Variants in STK32B observed in about 807,000 individuals in gnomAD.
STK32B encodes serine/threonine-protein kinase 32B.
In STK32B, 43 loss-of-function variants were observed where a neutral mutation model predicts 52.6. The ratio of observed to expected loss-of-function variants is 0.82; its 90% CI spans 0.64 to 1.05. STK32B has a LOEUF of 1.05. Ranked by LOEUF, STK32B falls within the 50% of genes least tolerant of loss-of-function variation. The pLI is 0.00. For synonymous variants in STK32B, 238 were observed against 204.3 expected (o/e 1.17, Z -1.41); for missense variants, 621 against 534.6 (o/e 1.16, Z -1.59).
rs557560256 is a variant in STK32B at position 5,464,886 on chromosome 4, G to A, written c.910-1817G>A. ...TGAACGAATGAATGAATGAATGAGT[G>A]GCAGGTAAAACAGGTCTGGAGAGAC... On this transcript the variant is annotated intron_variant, in intron 9 of 11. Coordinates refer to ENST00000282908, the MANE Select transcript of STK32B (RefSeq NM_018401.3). Among the ~76,000 whole-genome samples the A allele has an allele frequency of 3.7e-4, 57 of 152,316 alleles. 1 individual carries two copies. In the South Asian group the frequency reaches 0.011, roughly 31 times the overall value.
chr4:5,145,374 A>G (rs992097216), intron 2 of STK32B, among the ~76,000 whole-genome samples: 2 of 152,218 alleles, frequency 1.3e-5, no homozygotes, highest in African/African-American at 4.8e-5. Flanking sequence ...TAAAATGTAC[A>G]TACAACAGAA....
chr4:5,204,551 T>C (rs546688826), intron 3 of STK32B, among the ~76,000 whole-genome samples: 3 of 151,932 alleles, frequency 2.0e-5, no homozygotes, highest in East Asian at 1.9e-4. Flanking sequence ...CTCACTGCAA[T>C]CTCCGCCTCC....
chr4:5,412,824 C>T (rs1336609515), intron 5 of STK32B, among the ~76,000 whole-genome samples: 1 of 152,134 alleles, frequency 6.6e-6, no homozygotes, highest in African/African-American at 2.4e-5. Flanking sequence ...TTGGTCCTTG[C>T]CCCTGTAATC....
At chr4:5,309,587 C>T (rs1730156384) in intron 3 of STK32B, among the ~76,000 whole-genome samples, 1 of 152,112 alleles carries the variant, frequency 6.6e-6, no homozygotes, top group Non-Finnish European at 1.5e-5. Flanking sequence ...CACATATTTA[C>T]AACCAATGGA....
Position 5,230,178 on chromosome 4 carries a change from C to CTTTTTTTTTTTTTT in STK32B, c.260+61746_260+61759dup, listed in dbSNP as rs752036100. Among the ~76,000 whole-genome samples the CTTTTTTTTTTTTTT allele has an allele frequency of 6.9e-4, 49 of 71,116 alleles. 3 individuals are homozygous for CTTTTTTTTTTTTTT. Among genetic ancestry groups the CTTTTTTTTTTTTTT allele is most frequent in the East Asian group, 1.1e-3 (3 of 2,738 alleles). 46.7% of individuals were successfully genotyped at this position (71,116 alleles called of 152,430 possible). On this transcript the variant is annotated intron_variant, in intron 3 of 11. Coordinates refer to ENST00000282908, the MANE Select transcript of STK32B (RefSeq NM_018401.3). Reference sequence around the variant, plus strand: ...AGAAGAACACTCAAGCATGCATTCCCTTTTTTTTTTTTTTTTTTTTTTTTT... The same window carrying CTTTTTTTTTTTTTT: ...AGAAGAACACTCAAGCATGCATTCCCTTTTTTTTTTTTTTTTTTTTTTTTTTTTTTTTTTTTTTT...
At chr4:5,173,422 C>T (rs982391974) in intron 3 of STK32B, among the ~76,000 whole-genome samples, 7 of 152,050 alleles carry the variant, frequency 4.6e-5, no homozygotes, top group Non-Finnish European at 7.4e-5. Flanking sequence ...ATCTTTCCTG[C>T]TTTCTCTTGT....
chr4:5,194,545 T>C lies in STK32B; in HGVS notation c.260+26095T>C, dbSNP rs1721491620. Among the ~76,000 whole-genome samples the C allele has an allele frequency of 3.3e-5, 5 of 152,342 alleles. No homozygotes were observed. The South Asian group carries it at 1.0e-3, about 32-fold the overall frequency. On this transcript the variant is annotated intron_variant, in intron 3 of 11. Transcript: ENST00000282908. ...TGTGAAAATGTATGCGCCAGAGCAA[T>C]TGAAAGATGAACTTCAATGCGTCGA...
intron 3 of STK32B, among the ~76,000 whole-genome samples, chr4:5,236,335 C>CT (rs79676913): frequency 0.031 from 4,708 of 151,554 alleles, 85 homozygotes; most frequent in East Asian, 0.077. Flanking sequence ...AGCCTTTGTT[C>CT]TTTTTTTTTA....
At chr4:5,062,659 C>G (rs1742261688) in intron 1 of STK32B, among the ~76,000 whole-genome samples, 1 of 152,104 alleles carries the variant, frequency 6.6e-6, no homozygotes, top group Non-Finnish European at 1.5e-5. Flanking sequence ...CAGGCACCTG[C>G]CACCATGCCC....
intron 2 of STK32B, among the ~76,000 whole-genome samples, chr4:5,155,610 G>A (rs997710060): frequency 1.3e-5 from 2 of 152,156 alleles, no homozygotes; most frequent in Non-Finnish European, 2.9e-5. Context: ...GAGGGGCCTG[G>A]TGGGAGGTGA....
intron 3 of STK32B, among the ~76,000 whole-genome samples, chr4:5,182,554 C>G (rs1000725017): frequency 6.6e-6 from 1 of 151,898 alleles, no homozygotes; most frequent in African/African-American, 2.4e-5. Flanking sequence ...CTCTGCCTCC[C>G]GGGTTCAAGA....
chr4:5,251,699 A>G (rs1725947452), intron 3 of STK32B, among the ~76,000 whole-genome samples: 1 of 152,146 alleles, frequency 6.6e-6, no homozygotes, highest in Non-Finnish European at 1.5e-5. Context: ...GATTCTTCCT[A>G]TCCATGAGCA....
chr4:5,397,390 A>G (rs1354577283), intron 4 of STK32B, among the ~76,000 whole-genome samples: 2 of 152,180 alleles, frequency 1.3e-5, no homozygotes, highest in African/African-American at 2.4e-5. Flanking sequence ...GCGCTGTGCT[A>G]GGTACAGGCA....
intron 4 of STK32B, among the ~76,000 whole-genome samples, chr4:5,392,046 G>A (rs376969438): frequency 2.2e-4 from 33 of 152,272 alleles, no homozygotes; most frequent in African/African-American, 7.7e-4. Flanking sequence ...TGCTTTGTAA[G>A]GATATTTGAA....
At chr4:5,173,094 C>T (rs556109854) in intron 3 of STK32B, among the ~76,000 whole-genome samples, 15 of 152,208 alleles carry the variant, frequency 9.9e-5, no homozygotes, top group East Asian at 1.9e-4. Context: ...AGTTTATTTG[C>T]GTAGAGGTGT....
At position 5,200,689 on chromosome 4, in the gene STK32B, T is replaced by TG. The variant is rs537673841; in HGVS notation, c.260+32240dup. Among the ~76,000 whole-genome samples the TG allele has an allele frequency of 2.3e-3, 349 of 152,278 alleles. 2 individuals are homozygous for TG. Among genetic ancestry groups the TG allele is most frequent in the African/African-American group, 8.1e-3 (336 of 41,550 alleles). ...CTTCTTCCTCCAGCTTAAATCTAGT[T>TG]GCAGGGATCCAGGGACCCAGATGTA... On this transcript the variant is annotated intron_variant, in intron 3 of 11. Coordinates refer to ENST00000282908, the MANE Select transcript of STK32B (RefSeq NM_018401.3).
chr4:5,233,125 T>A (rs1327074706), intron 3 of STK32B, among the ~76,000 whole-genome samples: 1 of 152,156 alleles, frequency 6.6e-6, no homozygotes, highest in African/African-American at 2.4e-5. Context: ...TCTCATGACC[T>A]TGACTATACA....
Position 5,051,710 on chromosome 4 carries a change from C to CGCCCCTGCACGGTGCTCG in STK32B, c.-148_-131dup. 2.2e-6 allele frequency: 2 copies of CGCCCCTGCACGGTGCTCG among 911,722 alleles called. No individual in the cohort carries two copies. The highest frequency in any genetic ancestry group is 3.1e-4 in the Middle Eastern group (1 of 3,250). 56.5% of individuals were successfully genotyped at this position (911,722 alleles called of 1,614,324 possible). A position where few individuals can be genotyped will look rare whatever the true frequency, so the allele number is the denominator to read the frequency against. Reference sequence around the variant, plus strand: ...TCCAGGAGAAGGGGGACGCCGTCCCCGCCCCTGCACGGTGCTCGGCCCCCT... The same window carrying CGCCCCTGCACGGTGCTCG: ...TCCAGGAGAAGGGGGACGCCGTCCCCGCCCCTGCACGGTGCTCGGCCCCTGCACGGTGCTCGGCCCCCT... On this transcript the variant is annotated 5_prime_UTR_variant, in exon 1 of 12. Coordinates refer to ENST00000282908, the MANE Select transcript of STK32B (RefSeq NM_018401.3).
intron 3 of STK32B, among the ~76,000 whole-genome samples, chr4:5,217,327 C>T (rs1723238437): frequency 6.6e-6 from 1 of 152,108 alleles, no homozygotes; most frequent in African/African-American, 2.4e-5. Context: ...TCTTCCTTGC[C>T]AGGAGGTCAT....
Sources: gnomAD v4.1 joint callset for allele counts (sites outside exome capture counted in the v4.1 genomes callset) on GRCh38, gnomAD v4.1.1 for gene constraint, MANE v1.5 for transcripts, NCBI Gene and HGNC (gene_info 2026-07-23, HGNC 2026-07-21) for gene names.